Variants in RSRC1 observed in about 807,000 individuals in gnomAD.
The protein encoded by RSRC1 is arginine and serine rich coiled-coil 1, also known as serine/Arginine-related protein 53.
RSRC1 carries 39 observed loss-of-function variants against 49.1 expected under a neutral mutation model. The observed-to-expected ratio is 0.79, with a 90% CI of 0.61 to 1.04. RSRC1 has a LOEUF of 1.04. Among genes scored for constraint, RSRC1 ranks in the 50% least tolerant of loss-of-function variants. The probability of loss-of-function intolerance (pLI) is 0.00; values close to 1 mark genes in which losing one functional copy is unlikely to be tolerated. For missense variants in RSRC1, 388 were observed against 402.4 expected (o/e 0.96, Z 0.31); for synonymous variants, 143 against 130.8 (o/e 1.09, Z -0.63).
intron 4 of RSRC1, among the ~76,000 whole-genome samples, chr3:158,221,128 C>A (rs553013318): frequency 4.6e-5 from 7 of 151,468 alleles, no homozygotes; most frequent in African/African-American, 1.7e-4. Context: ...ATTTATAATT[C>A]TTTAATCTTT....
Position 158,203,152 on chromosome 3 carries a change from G to C in RSRC1, c.401G>C (p.Arg134Pro). The C allele has an allele frequency of 1.2e-6, 2 of 1,613,568 alleles. No homozygotes were observed. Among genetic ancestry groups the C allele is most frequent in the South Asian group, 2.2e-5 (2 of 91,032 alleles). The change falls in exon 4 of 10, where the codon CGG becomes CCG. Residue 134 changes from arginine to proline, a missense_variant. Transcript: ENST00000611884. ...CACAGAAGAACGCGTAGTCGGTCTC[G>C]GGATAGAGAACGACGTAAGGGCAGA... ...SSHRRTRSRS[R>P]DRERRKGRDK...
intron 3 of RSRC1, among the ~76,000 whole-genome samples, chr3:158,177,273 C>G (rs554470037): frequency 6.6e-5 from 10 of 152,216 alleles, no homozygotes; most frequent in African/African-American, 2.4e-4. Context: ...ACCATTTGAC[C>G]CAGCAATCCC....
At chr3:158,438,616 A>G (rs1458369646) in intron 6 of RSRC1, among the ~76,000 whole-genome samples, 3 of 152,230 alleles carry the variant, frequency 2.0e-5, no homozygotes, top group African/African-American at 7.2e-5. Flanking sequence ...GGCTAGCCAT[A>G]TGTAGAAAGC....
intron 6 of RSRC1, among the ~76,000 whole-genome samples, chr3:158,416,880 G>A (rs915128836): frequency 6.6e-6 from 1 of 151,842 alleles, no homozygotes; most frequent in African/African-American, 2.4e-5. Context: ...TTTCTGCATA[G>A]GAATAACACT....
At chr3:158,140,280 C>T (rs116188735) in intron 3 of RSRC1, among the ~76,000 whole-genome samples, 4,150 of 152,304 alleles carry the variant, frequency 0.027, 65 homozygotes, top group Non-Finnish European at 0.04. Context: ...AGTTCACTTT[C>T]ATACGGGAGG....
At chr3:158,495,067 C>G (rs987690451) in intron 7 of RSRC1, among the ~76,000 whole-genome samples, 5 of 152,166 alleles carry the variant, frequency 3.3e-5, no homozygotes, top group African/African-American at 4.8e-5. Context: ...ACCACAGATG[C>G]ATGAGTTATG....
chr3:158,378,513 A>G lies in RSRC1; in HGVS notation c.583+23605A>G, dbSNP rs1214815615. The stretch of plus-strand genomic sequence containing the variant: ...ATTATTGTCTTTTGTTTTAGCAGGC[A>G]GTTTACTTGGATAGACCCAAATTGT... On this transcript the variant is annotated intron_variant, in intron 6 of 9. Transcript: ENST00000611884. Among the ~76,000 whole-genome samples the G allele has an allele frequency of 2.0e-5, 3 of 152,360 alleles. No individual in the cohort carries two copies. In the East Asian group the frequency reaches 5.8e-4, roughly 29 times the overall value.
At chr3:158,433,444 C>T (rs546212560) in intron 6 of RSRC1, among the ~76,000 whole-genome samples, 1 of 152,062 alleles carries the variant, frequency 6.6e-6, no homozygotes, top group Non-Finnish European at 1.5e-5. Context: ...CTCAATCTTT[C>T]TCATGTCATG....
chr3:158,439,161 A>G (rs13065383), intron 6 of RSRC1, among the ~76,000 whole-genome samples: 1 of 152,150 alleles, frequency 6.6e-6, no homozygotes, highest in African/African-American at 2.4e-5. Context: ...AAGTCAGGAA[A>G]CAACAGGTGC....
chr3:158,231,037 C>T (rs1254475215), intron 4 of RSRC1, among the ~76,000 whole-genome samples: 5 of 151,502 alleles, frequency 3.3e-5, no homozygotes, highest in Admixed American at 2.0e-4. Flanking sequence ...GAAGCCTATT[C>T]TCGTGTTTAG....
In RSRC1 at chr3:158,122,214, G is replaced by A. The variant is rs774737793; in HGVS notation, c.110G>A (p.Arg37Gln). The change falls in exon 2 of 10, where the codon CGA becomes CAA. Residue 37 changes from arginine (R) to glutamine (Q), a missense_variant. Transcript: ENST00000611884. ...TCTTCAGATAGTAGAACATACAGCC[G>A]AAAGAAAGGAGGAAGGAAATCAAGA... ...SSSSDSRTYSRKKGGRKSRSK... is the reference protein window; with the variant it reads ...SSSSDSRTYSQKKGGRKSRSK... The A allele has an allele frequency of 3.7e-6, 6 of 1,606,970 alleles. No individual in the cohort carries two copies. Among genetic ancestry groups the A allele is most frequent in the Admixed American group, 3.4e-5 (2 of 59,358 alleles).
intron 6 of RSRC1, among the ~76,000 whole-genome samples, chr3:158,426,715 G>T (rs1244481752): frequency 2.0e-5 from 3 of 151,710 alleles, no homozygotes; most frequent in Non-Finnish European, 4.4e-5. Flanking sequence ...AAGCAGTTTT[G>T]GTTCAGTGAT....
intron 4 of RSRC1, among the ~76,000 whole-genome samples, chr3:158,254,624 G>C (rs981158776): frequency 2.0e-5 from 3 of 151,940 alleles, no homozygotes; most frequent in Non-Finnish European, 4.4e-5. Flanking sequence ...AGTAGAGATG[G>C]GGTTTCACCA....
chr3:158,270,588 C>T (rs898429567), intron 4 of RSRC1, among the ~76,000 whole-genome samples: 4 of 152,054 alleles, frequency 2.6e-5, no homozygotes, highest in Non-Finnish European at 1.5e-5. Flanking sequence ...ATGTTTGGTA[C>T]TAAGGGTTTA....
chr3:158,465,593 G>A (rs903859711), intron 7 of RSRC1, among the ~76,000 whole-genome samples: 3 of 152,100 alleles, frequency 2.0e-5, no homozygotes, highest in Non-Finnish European at 4.4e-5. Flanking sequence ...CAGAAGTAAC[G>A]TGATTGTCCT....
At chr3:158,465,261 T>C (rs962621103) in intron 7 of RSRC1, among the ~76,000 whole-genome samples, 4 of 152,208 alleles carry the variant, frequency 2.6e-5, no homozygotes, top group African/African-American at 4.8e-5. Flanking sequence ...CTTCAGAATC[T>C]GGACCAGAGC....
chr3:158,350,869 T>C (rs563162269), intron 5 of RSRC1, among the ~76,000 whole-genome samples: 1 of 152,328 alleles, frequency 6.6e-6, no homozygotes, highest in East Asian at 1.9e-4. Context: ...CTAAAATAAC[T>C]AAAGCATTAG....
chr3:158,154,742 G>T (rs147113049), intron 3 of RSRC1, among the ~76,000 whole-genome samples: 2 of 152,224 alleles, frequency 1.3e-5, no homozygotes, highest in South Asian at 4.2e-4. Flanking sequence ...GATTACAGGC[G>T]TGAGCCACTG....
intron 3 of RSRC1, among the ~76,000 whole-genome samples, chr3:158,173,855 G>T (rs1007648100): frequency 6.6e-6 from 1 of 151,682 alleles, no homozygotes; most frequent in African/African-American, 2.4e-5. Flanking sequence ...CCAAGTTCAA[G>T]AAATCACATA....
Sources: allele counts gnomAD v4.1 joint callset (sites outside exome capture counted in the v4.1 genomes callset), GRCh38; gene constraint gnomAD v4.1.1; transcripts MANE v1.5; gene names NCBI Gene and HGNC (gene_info 2026-07-23, HGNC 2026-07-21).